The following KCNMA1 variants were observed in gnomAD, a reference collection of about 807,000 sequenced individuals.
KCNMA1 encodes the protein potassium calcium-activated channel subfamily M alpha 1, also known as Calcium-activated potassium channel subunit alpha-1.
In KCNMA1, 29 loss-of-function variants were observed where a neutral mutation model predicts 140.0. That is an observed-to-expected ratio of 0.21 (90% CI 0.15 to 0.28). The LOEUF is 0.28. Among genes scored for constraint, KCNMA1 ranks in the 10% least tolerant of loss-of-function variants. KCNMA1 has a pLI of 1.00. For missense variants in KCNMA1, 880 were observed against 1,602.2 expected (o/e 0.55, Z 7.70); for synonymous variants, 612 against 611.9 (o/e 1.00, Z 0.00).
At chr10:77,462,689 A>G (rs2154525025) in intron 1 of KCNMA1, among the ~76,000 whole-genome samples, 1 of 152,306 alleles carries the variant, frequency 6.6e-6, no homozygotes, top group Admixed American at 6.5e-5. Context: ...CTCCCCCGGG[A>G]GAGAGTCCCG....
At chr10:76,924,941 G>A (rs561801806) in intron 23 of KCNMA1, among the ~76,000 whole-genome samples, 2 of 152,244 alleles carry the variant, frequency 1.3e-5, no homozygotes, top group South Asian at 2.1e-4. Flanking sequence ...ACCTGCTGAT[G>A]CCCATCCCTG....
intron 1 of KCNMA1, among the ~76,000 whole-genome samples, chr10:77,481,502 C>T (rs529846706): frequency 2.6e-5 from 4 of 152,134 alleles, no homozygotes; most frequent in South Asian, 2.1e-4. Flanking sequence ...TGGCCAGGCA[C>T]GATGGCTCAC....
intron 2 of KCNMA1, among the ~76,000 whole-genome samples, chr10:77,262,106 A>T (rs1268058546): frequency 2.0e-5 from 3 of 152,196 alleles, no homozygotes; most frequent in African/African-American, 7.2e-5. Context: ...CTGGGACTCA[A>T]ACAAATACTT....
intron 1 of KCNMA1, among the ~76,000 whole-genome samples, chr10:77,575,619 C>T (rs867827084): frequency 4.6e-5 from 7 of 152,200 alleles, no homozygotes; most frequent in Admixed American, 1.3e-4. Flanking sequence ...TAGCTGAGAA[C>T]GCTGAGATTT....
intron 3 of KCNMA1, among the ~76,000 whole-genome samples, chr10:77,237,860 T>C (rs10824499): frequency 0.064 from 9,685 of 152,128 alleles, 766 homozygotes; most frequent in East Asian, 0.21. Flanking sequence ...GAGTTGGCAA[T>C]GTTTCCTCTT....
chr10:77,549,300 C>T (rs2062175068), intron 1 of KCNMA1, among the ~76,000 whole-genome samples: 1 of 152,208 alleles, frequency 6.6e-6, no homozygotes, highest in Non-Finnish European at 1.5e-5. Flanking sequence ...TTAAATTCTT[C>T]TCCATTATCT....
chr10:76,880,591 T>C (rs1368119003), downstream of KCNMA1, among the ~76,000 whole-genome samples: 1 of 152,226 alleles, frequency 6.6e-6, no homozygotes, highest in Admixed American at 6.5e-5. Flanking sequence ...CCAACATGCT[T>C]CCAAGGAACA....
chr10:76,987,990 C>A (rs994067512), intron 19 of KCNMA1, among the ~76,000 whole-genome samples: 1 of 152,146 alleles, frequency 6.6e-6, no homozygotes, highest in East Asian at 1.9e-4. Context: ...GCAACAATGG[C>A]AGACTAGCTG....
chr10:77,398,069 T>TGA (rs1391771641), intron 2 of KCNMA1, among the ~76,000 whole-genome samples: 2 of 151,434 alleles, frequency 1.3e-5, no homozygotes, highest in African/African-American at 4.9e-5. Context: ...TATGTGTGTG[T>TGA]GTGTGTGTGT....
At chr10:77,231,165 C>T (rs17392728) in intron 3 of KCNMA1, among the ~76,000 whole-genome samples, 5,128 of 152,262 alleles carry the variant, frequency 0.034, 105 homozygotes, top group Middle Eastern at 0.075. Context: ...TCTCCTTTAT[C>T]ATTTGTACAT....
At chr10:76,951,740 T>A (rs1431200639) in intron 21 of KCNMA1, among the ~76,000 whole-genome samples, 2 of 152,206 alleles carry the variant, frequency 1.3e-5, no homozygotes, top group Non-Finnish European at 2.9e-5. Context: ...AGTCTCTTTC[T>A]AGCCTACAAT....
chr10:77,021,001 T>A (rs891463461), intron 16 of KCNMA1: 1 of 152,148 alleles, frequency 6.6e-6, no homozygotes, highest in Non-Finnish European at 1.5e-5. Flanking sequence ...TGGGTTATTG[T>A]TCCTTTTTTT....
chr10:77,300,077 C>T (rs1486789809), intron 2 of KCNMA1, among the ~76,000 whole-genome samples: 1 of 152,202 alleles, frequency 6.6e-6, no homozygotes, highest in East Asian at 1.9e-4. Flanking sequence ...TCAGGGCCTG[C>T]TAAGGGACTT....
chr10:76,941,153 G>A (rs1565064469), intron 23 of KCNMA1, among the ~76,000 whole-genome samples: 1 of 89,614 alleles, frequency 1.1e-5, no homozygotes, highest in Non-Finnish European at 2.6e-5. Context: ...GGGAAGGGAA[G>A]GGAGGGAAGG....
intron 1 of KCNMA1, among the ~76,000 whole-genome samples, chr10:77,581,959 G>A (rs541483781): frequency 6.6e-6 from 1 of 152,330 alleles, no homozygotes; most frequent in African/African-American, 2.4e-5. Flanking sequence ...CTGATCTCCT[G>A]GCAAGAAAGC....
intron 5 of KCNMA1, among the ~76,000 whole-genome samples, chr10:77,181,233 A>G (rs991131448): frequency 1.2e-4 from 19 of 152,210 alleles, no homozygotes; most frequent in Admixed American, 4.6e-4. Flanking sequence ...CTGAGGATCC[A>G]GAAAAGCAAA....
chr10:77,350,024 G>A (rs1286777571), intron 2 of KCNMA1, among the ~76,000 whole-genome samples: 1 of 152,110 alleles, frequency 6.6e-6, no homozygotes, highest in African/African-American at 2.4e-5. Flanking sequence ...TCAGCCTCCC[G>A]AGTAGCTGGG....
intron 2 of KCNMA1, among the ~76,000 whole-genome samples, chr10:77,279,743 A>G (rs2067831820): frequency 6.6e-6 from 1 of 152,128 alleles, no homozygotes; most frequent in Non-Finnish European, 1.5e-5. Flanking sequence ...TAATTAAATC[A>G]TGGGGCAGGT....
chr10:77,543,735 T>A (rs1297436366), intron 1 of KCNMA1, among the ~76,000 whole-genome samples: 5 of 152,172 alleles, frequency 3.3e-5, no homozygotes, highest in African/African-American at 1.2e-4. Context: ...GTAGGGGACA[T>A]GCTTGAGACT....
Sources: allele counts gnomAD v4.1 joint callset (sites outside exome capture counted in the v4.1 genomes callset), GRCh38; gene constraint gnomAD v4.1.1; transcripts MANE v1.5; gene names NCBI Gene and HGNC (gene_info 2026-07-23, HGNC 2026-07-21).